Variants in THOP1 observed in about 807,000 individuals in gnomAD.
THOP1 encodes thimet oligopeptidase 1, also known as thimet oligopeptidase.
In THOP1, 49 loss-of-function variants were observed where a neutral mutation model predicts 71.8. That is an observed-to-expected ratio of 0.68 (90% CI 0.54 to 0.87). The LOEUF is 0.87. THOP1 is among the 40% of genes least tolerant of loss of function. The pLI, the probability that THOP1 is intolerant of heterozygous loss-of-function variation, is 0.00. For missense variants in THOP1, 843 were observed against 975.6 expected, an observed-to-expected ratio of 0.86 and a Z score of 1.81; for synonymous variants, 426 against 421.5, an observed-to-expected ratio of 1.01 and a Z score of -0.13.
rs923548023 is a variant in THOP1 at position 2,801,029 on chromosome 19, C to A, written c.589+1238C>A. Among the ~76,000 whole-genome samples, 6 of 152,192 alleles carry A rather than the reference C, an allele frequency of 3.9e-5. No homozygotes were observed. Among genetic ancestry groups the A allele is most frequent in the African/African-American group, 1.4e-4 (6 of 41,444 alleles). On this transcript the variant is annotated intron_variant, in intron 5 of 12. Transcript: ENST00000307741. The surrounding 1 kb of genome is among the most constrained non-coding windows in gnomAD (Gnocchi z 5.1). ...AGTGACTCCCAAGGAGACTGGGCGT[C>A]CAGCTCAAATCTGCCTCCTGTGCCA...
intron 5 of THOP1, among the ~76,000 whole-genome samples, chr19:2,803,827 A>T (rs1350959500): frequency 6.6e-6 from 1 of 151,914 alleles, no homozygotes; most frequent in Non-Finnish European, 1.5e-5. Flanking sequence ...TGGCCTCCCA[A>T]AATTTCCCCC....
At chr19:2,792,513 C>T (rs1197061446) in intron 2 of THOP1, among the ~76,000 whole-genome samples, 1 of 151,322 alleles carries the variant, frequency 6.6e-6, no homozygotes, top group Non-Finnish European at 1.5e-5. Context: ...GCGGAGCCTC[C>T]TCCAAACATA....
chr19:2,811,992 C>T (rs1429738227), intron 12 of THOP1: 6 of 1,026,778 alleles, frequency 5.8e-6, no homozygotes, highest in East Asian at 2.8e-5. Context: ...GGTCTTGGTG[C>T]GGTGCTGCCC....
chr19:2,796,126 C>T lies in THOP1; in HGVS notation c.424C>T (p.Leu142=). ...ACTGAGGCCCGAGGCTGCGCGGTACCTGGAGCGGCTAATCAAGCTGGGCCG... is the reference window on the plus strand; with the variant it reads ...ACTGAGGCCCGAGGCTGCGCGGTACTTGGAGCGGCTAATCAAGCTGGGCCG... The part of the protein sequence containing the change: ...DSLRPEAARY[L]ERLIKLGRRN... The change falls in exon 4 of 13, where the codon CTG becomes TTG. Residue 142 remains leucine (L), a synonymous_variant. Coordinates refer to ENST00000307741, the MANE Select transcript of THOP1 (RefSeq NM_003249.5). 1.2e-6 allele frequency: 2 copies of T among 1,613,990 alleles called. No individual in the cohort carries two copies. Among genetic ancestry groups the T allele is most frequent in the Non-Finnish European group, 1.7e-6 (2 of 1,180,004 alleles).
intron 1 of THOP1, among the ~76,000 whole-genome samples, chr19:2,789,437 G>A (rs1599517813): frequency 6.6e-6 from 1 of 152,372 alleles, no homozygotes; most frequent in Admixed American, 6.5e-5. Context: ...TTCTCAGAGA[G>A]GCCCTGGTGT....
Position 2,811,908 on chromosome 19 carries a change from T to C in THOP1, c.1908+174T>C, listed in dbSNP as rs1568327473. On this transcript the variant is annotated intron_variant, in intron 12 of 12. Coordinates refer to ENST00000307741, the MANE Select transcript of THOP1 (RefSeq NM_003249.5). ...AGGGAGGGCGTCCTCAACAGCAGGG[T>C]GGGGCCGAGAAAAGCACACCTTTGG... The C allele has an allele frequency of 3.7e-6, 5 of 1,354,304 alleles. No homozygotes were observed. In the South Asian group the frequency reaches 5.9e-5, roughly 16 times the overall value. 83.9% of individuals were successfully genotyped at this position (1,354,304 alleles called of 1,614,324 possible).
rs374499299 is a variant in THOP1 at position 2,813,162 on chromosome 19, G to C, written c.1956G>C (p.Glu652Asp). The C allele has an allele frequency of 7.9e-5, 127 of 1,612,034 alleles. No individual in the cohort carries two copies. The highest frequency in any genetic ancestry group is 9.9e-5 in the Non-Finnish European group (117 of 1,179,638). ...RSCILRPGGS[E>D]DASAMLRRFL... ...GCATCCTGAGACCCGGCGGTTCCGA[G>C]GATGCCAGCGCCATGCTGAGGCGCT... The change falls in exon 13 of 13, where the codon GAG becomes GAC. Residue 652 changes from glutamate to aspartate, a missense_variant. Transcript: ENST00000307741.
intron 5 of THOP1, among the ~76,000 whole-genome samples, chr19:2,802,602 C>T (rs1426559186): frequency 1.3e-5 from 2 of 151,770 alleles, no homozygotes; most frequent in Non-Finnish European, 2.9e-5. Flanking sequence ...TCCCGATACC[C>T]GCATCTCCCG....
intron 1 of THOP1, among the ~76,000 whole-genome samples, chr19:2,788,920 C>G (rs1169719536): frequency 6.6e-6 from 1 of 152,118 alleles, no homozygotes; most frequent in East Asian, 1.9e-4. Flanking sequence ...ACCACCACAC[C>G]TGGCTAATTT....
chr19:2,791,633 G>A (rs1165264976), intron 2 of THOP1, among the ~76,000 whole-genome samples: 4 of 152,136 alleles, frequency 2.6e-5, no homozygotes, highest in East Asian at 1.9e-4. Flanking sequence ...CCTCGGCCAC[G>A]TGGTGGCCCC....
At chr19:2,810,980 C>T (rs1196737838) in intron 11 of THOP1, among the ~76,000 whole-genome samples, 1 of 152,230 alleles carries the variant, frequency 6.6e-6, no homozygotes, top group African/African-American at 2.4e-5. Context: ...GCCCCAGCCC[C>T]CAGGAGGAGT....
chr19:2,808,795 G>T (rs1237645560), intron 9 of THOP1, among the ~76,000 whole-genome samples: 1 of 152,186 alleles, frequency 6.6e-6, no homozygotes, highest in Non-Finnish European at 1.5e-5. Flanking sequence ...TTCTGTGTGG[G>T]TCCCCATCTC....
At chr19:2,788,579 A>C (rs982017625) in intron 1 of THOP1, among the ~76,000 whole-genome samples, 1 of 152,114 alleles carries the variant, frequency 6.6e-6, no homozygotes, top group Non-Finnish European at 1.5e-5. Context: ...CCCAGGTCCA[A>C]GCGGTTCTCC....
chr19:2,790,409 G>C lies in THOP1; in HGVS notation c.17-12G>C, dbSNP rs1915847026. 1 of 1,513,366 alleles carries C rather than the reference G, an allele frequency of 6.6e-7. No homozygotes were observed. The highest frequency in any genetic ancestry group is 1.3e-5 in the South Asian group (1 of 75,982). 93.7% of individuals were successfully genotyped at this position (1,513,366 alleles called of 1,614,324 possible). A position where few individuals can be genotyped will look rare whatever the true frequency, so the allele number is the denominator to read the frequency against. On this transcript the variant is annotated splice_polypyrimidine_tract_variant and intron_variant, in intron 1 of 12. Transcript: ENST00000307741. ...GCAGACCCGCCCGGCACTGGGTTTT[G>C]TTTCTGCGTAGCCTGTGCAGGAGAC...
intron 5 of THOP1, among the ~76,000 whole-genome samples, chr19:2,803,038 G>A (rs537913013): frequency 3.3e-5 from 5 of 151,158 alleles, no homozygotes; most frequent in Non-Finnish European, 7.4e-5. Flanking sequence ...TGTGGGGCGC[G>A]CGGTACCGCA....
intron 8 of THOP1, 99 bp from the exon 9 acceptor site, chr19:2,808,144 C>A: frequency 1.5e-6 from 2 of 1,337,526 alleles, no homozygotes; most frequent in Non-Finnish European, 2.1e-6. Flanking sequence ...AGGTGCCCGG[C>A]GGTCTGGGTT....
chr19:2,790,191 G>A (rs773820409), intron 1 of THOP1, among the ~76,000 whole-genome samples: 1 of 152,154 alleles, frequency 6.6e-6, no homozygotes, highest in East Asian at 1.9e-4. Context: ...CTGCAACCGC[G>A]ACAGCCACAT....
chr19:2,803,188 G>A (rs916708664), intron 5 of THOP1, among the ~76,000 whole-genome samples: 3 of 152,234 alleles, frequency 2.0e-5, no homozygotes, highest in Non-Finnish European at 2.9e-5. Flanking sequence ...CTTAGGCACC[G>A]GATGTGTTCA....
intron 3 of THOP1, among the ~76,000 whole-genome samples, chr19:2,795,171 G>A (rs1915984723): frequency 6.6e-6 from 1 of 152,170 alleles, no homozygotes; most frequent in Admixed American, 6.5e-5. Context: ...TGTTGGTCAG[G>A]CTGTTCTCAA....
Sources: allele counts gnomAD v4.1 joint callset (sites outside exome capture counted in the v4.1 genomes callset), GRCh38; gene constraint gnomAD v4.1.1; non-coding constraint Gnocchi (gnomAD v3.1); transcripts MANE v1.5; gene names NCBI Gene and HGNC (gene_info 2026-07-23, HGNC 2026-07-21).